SPRYD4: variants seen among roughly 807,000 people sequenced by gnomAD.
The protein encoded by SPRYD4 is SPRY domain containing 4.
Under a neutral mutation model 16.6 loss-of-function variants are expected in SPRYD4, and 12 were observed. The observed-to-expected ratio is 0.72, with a 90% CI of 0.46 to 1.17. SPRYD4 has a LOEUF of 1.17. Among genes scored for constraint, SPRYD4 ranks in the 50% most tolerant of loss-of-function variants. The pLI is 0.00. For synonymous variants in SPRYD4, 98 were observed against 105.4 expected (o/e 0.93, Z 0.43); for missense variants, 260 against 260.2 (o/e 1.00, Z 0.00).
chr12:56,479,520 TTATC>T lies in SPRYD4; in HGVS notation c.*9946_*9949del. On this transcript the variant is annotated 3_prime_UTR_variant, in exon 2 of 2. Coordinates refer to ENST00000338146, the MANE Select transcript of SPRYD4 (RefSeq NM_207344.4). Reference sequence around the variant, plus strand: ...TGTATGTATGTCAGTACATAGGACATTATCTAGAAGATACCCACTAATCTGCTAA... The same window carrying T: ...TGTATGTATGTCAGTACATAGGACATTAGAAGATACCCACTAATCTGCTAA... The T allele has an allele frequency of 2.4e-6, 1 of 419,000 alleles. No individual in the cohort carries two copies. Among genetic ancestry groups the T allele is most frequent in the Non-Finnish European group, 4.2e-6 (1 of 240,656 alleles). 26.0% of individuals were successfully genotyped at this position (419,000 alleles called of 1,614,324 possible).
Position 56,475,102 on chromosome 12 carries a change from G to A in SPRYD4, c.*5525G>A. The A allele has an allele frequency of 1.2e-6, 2 of 1,614,044 alleles. No homozygotes were observed. The highest frequency in any genetic ancestry group is 8.5e-7 in the Non-Finnish European group (1 of 1,180,032). ...ATTCCGATCCCCTGTTTCCTTCTCT[G>A]ACTGGAATCTGAAGCAAACACCCAA... On this transcript the variant is annotated 3_prime_UTR_variant, in exon 2 of 2. Transcript: ENST00000338146.
Position 56,473,340 on chromosome 12 carries a change from A to G in SPRYD4, c.*3763A>G. 6.2e-7 allele frequency: 1 copy of G among 1,613,566 alleles called. No individual in the cohort carries two copies. Among genetic ancestry groups the G allele is most frequent in the Non-Finnish European group, 8.5e-7 (1 of 1,179,660 alleles). ...CAACTTCTAGAATTGTAAGCCAAAT[A>G]TATTGTTTATTTACTCCTTACACTT... On this transcript the variant is annotated 3_prime_UTR_variant, in exon 2 of 2. Transcript: ENST00000338146.
In SPRYD4 at chr12:56,474,781, TAGGGAA is replaced by T; in HGVS notation, c.*5209_*5214del. Reference sequence around the variant, plus strand: ...AACCTGCACATGGGACCCTCGGGTGTAGGGAAAGGGCAAGGGCAAGGACAGTCTGTC... The same window carrying T: ...AACCTGCACATGGGACCCTCGGGTGTAGGGCAAGGGCAAGGACAGTCTGTC... On this transcript the variant is annotated 3_prime_UTR_variant, in exon 2 of 2. Coordinates refer to ENST00000338146, the MANE Select transcript of SPRYD4 (RefSeq NM_207344.4). The T allele has an allele frequency of 6.2e-7, 1 of 1,612,588 alleles. No homozygotes were observed. The highest frequency in any genetic ancestry group is 8.5e-7 in the Non-Finnish European group (1 of 1,178,914).
chr12:56,476,267 A>T lies in SPRYD4; in HGVS notation c.*6690A>T. 1 of 375,366 alleles carries T rather than the reference A, an allele frequency of 2.7e-6. No individual in the cohort carries two copies. Among genetic ancestry groups the T allele is most frequent in the South Asian group, 2.9e-5 (1 of 34,018 alleles). The allele number at this position is 375,366 out of a possible 1,614,324, so 23.3% of individuals were successfully genotyped here. On this transcript the variant is annotated 3_prime_UTR_variant, in exon 2 of 2. Transcript: ENST00000338146. Reference sequence around the variant, plus strand: ...AGCTTTGACCTCCCAGGCTCAAGCGATCCTCCCACTTCAGCCTCCAAGTAG... The same window carrying T: ...AGCTTTGACCTCCCAGGCTCAAGCGTTCCTCCCACTTCAGCCTCCAAGTAG...
At position 56,478,548 on chromosome 12, in the gene SPRYD4, C is replaced by T. The variant is rs1032478082; in HGVS notation, c.*8971C>T. ...CTTTTGGTTCTTAGGCTCAGTTACC[C>T]TATAAATCCCTTTGAAGGCTCTATT... is the stretch of plus-strand genomic sequence containing the variant. On this transcript the variant is annotated 3_prime_UTR_variant, in exon 2 of 2. Transcript: ENST00000338146. The T allele has an allele frequency of 7.2e-6, 3 of 414,930 alleles. No homozygotes were observed. Among genetic ancestry groups the T allele is most frequent in the Non-Finnish European group, 1.3e-5 (3 of 225,866 alleles). The allele number at this position is 414,930 out of a possible 1,614,324, so 25.7% of individuals were successfully genotyped here. A position where few individuals can be genotyped will look rare whatever the true frequency, so the allele number is the denominator to read the frequency against.
Position 56,474,444 on chromosome 12 carries a change from A to C in SPRYD4, c.*4867A>C. On this transcript the variant is annotated 3_prime_UTR_variant, in exon 2 of 2. Transcript: ENST00000338146. ...TTGCCTTCCTGGAAGTTAGTGAATG[A>C]GAGGCAGGAACAAGCTTCCACCTCT... 1 of 1,448,486 alleles carries C rather than the reference A, an allele frequency of 6.9e-7. No individual in the cohort carries two copies. Among genetic ancestry groups the C allele is most frequent in the Admixed American group, 2.0e-5 (1 of 50,664 alleles). The allele number at this position is 1,448,486 out of a possible 1,614,324, so 89.7% of individuals were successfully genotyped here. A position where few individuals can be genotyped will look rare whatever the true frequency, so the allele number is the denominator to read the frequency against.
rs771193153 is a variant in SPRYD4 at position 56,472,803 on chromosome 12, C to T, written c.*3226C>T. On this transcript the variant is annotated 3_prime_UTR_variant, in exon 2 of 2. Transcript: ENST00000338146. ...CATTAATTGAACTCACCTATGCCAG[C>T]TGTGCCCTGTGACCCTCCTCCATGG... The T allele has an allele frequency of 3.3e-6, 5 of 1,518,910 alleles. No individual in the cohort carries two copies. The Admixed American group carries it at 6.7e-5, about 20-fold the overall frequency. 94.1% of individuals were successfully genotyped at this position (1,518,910 alleles called of 1,614,324 possible). A position where few individuals can be genotyped will look rare whatever the true frequency, so the allele number is the denominator to read the frequency against.
Position 56,474,168 on chromosome 12 carries a change from G to A in SPRYD4, c.*4591G>A. On this transcript the variant is annotated 3_prime_UTR_variant, in exon 2 of 2. Coordinates refer to ENST00000338146, the MANE Select transcript of SPRYD4 (RefSeq NM_207344.4). ...AGTGCAATGGCACAATCTCGGCTCA[G>A]TGCAACCTCTGCCTCCCAGGTTCAA... 1 of 258,272 alleles carries A rather than the reference G, an allele frequency of 3.9e-6. No homozygotes were observed. The highest frequency in any genetic ancestry group is 7.5e-6 in the Non-Finnish European group (1 of 132,870). The allele number at this position is 258,272 out of a possible 1,614,324, so 16.0% of individuals were successfully genotyped here. A position where few individuals can be genotyped will look rare whatever the true frequency, so the allele number is the denominator to read the frequency against.
rs1178706987 is a variant in SPRYD4 at position 56,474,885 on chromosome 12, C to A, written c.*5308C>A. On this transcript the variant is annotated 3_prime_UTR_variant, in exon 2 of 2. Coordinates refer to ENST00000338146, the MANE Select transcript of SPRYD4 (RefSeq NM_207344.4). ...CAAGGGCAGCCATCATGTCCACCCC[C>A]TTAGGAAAGCACTGCAAGGAAGAGA... 1.4e-5 allele frequency: 23 copies of A among 1,614,030 alleles called. No individual in the cohort carries two copies. The highest frequency in any genetic ancestry group is 2.7e-5 in the African/African-American group (2 of 74,918).
chr12:56,469,450 A>T lies in SPRYD4; in HGVS notation c.497A>T (p.Asp166Val). ...EYEAQKLSLV[D>V]VSQVSVVHTL... Reference sequence around the variant, plus strand: ...GAGGCCCAGAAGCTGAGCCTGGTGGATGTGAGCCAGGTCTCTGTGGTTCAC... The same window carrying T: ...GAGGCCCAGAAGCTGAGCCTGGTGGTTGTGAGCCAGGTCTCTGTGGTTCAC... Residue 166 changes from aspartate (D) to valine (V), a missense_variant, in exon 2 of 2, where the codon GAT becomes GTT. Asp to Val is a radical substitution (Grantham distance 152). Transcript: ENST00000338146. 6.2e-7 allele frequency: 1 copy of T among 1,613,966 alleles called. No homozygotes were observed. Among genetic ancestry groups the T allele is most frequent in the Non-Finnish European group, 8.5e-7 (1 of 1,179,980 alleles).
Position 56,479,143 on chromosome 12 carries a change from A to T in SPRYD4, c.*9566A>T. On this transcript the variant is annotated 3_prime_UTR_variant, in exon 2 of 2. Coordinates refer to ENST00000338146, the MANE Select transcript of SPRYD4 (RefSeq NM_207344.4). The stretch of plus-strand genomic sequence containing the variant: ...ATCAGGAATGACAAACTTCTTTCGG[A>T]ATGCCTGGGTCAGGAGCACAATGTT... The T allele has an allele frequency of 6.2e-7, 1 of 1,614,034 alleles. No homozygotes were observed. Among genetic ancestry groups the T allele is most frequent in the Non-Finnish European group, 8.5e-7 (1 of 1,180,022 alleles).
rs569667879 is a variant in SPRYD4, at chr12:56,478,721, G to A, written c.*9144G>A. Reference sequence around the variant, plus strand: ...TGAGAAGCGAGGTATATCTAGGTGTGGTGGCTCATGCCTGTAATCCCAGCA... The same window carrying A: ...TGAGAAGCGAGGTATATCTAGGTGTAGTGGCTCATGCCTGTAATCCCAGCA... On this transcript the variant is annotated 3_prime_UTR_variant, in exon 2 of 2. Transcript: ENST00000338146. 78 of 275,858 alleles carry A rather than the reference G, an allele frequency of 2.8e-4. 3 individuals carry two copies. The highest frequency in any genetic ancestry group is 1.9e-3 in the South Asian group (40 of 20,892). The allele number at this position is 275,858 out of a possible 1,614,324, so 17.1% of individuals were successfully genotyped here.
At position 56,469,750 on chromosome 12, in the gene SPRYD4, A is replaced by G. The variant is rs1869158303; in HGVS notation, c.*173A>G. The stretch of plus-strand genomic sequence containing the variant: ...CCCCTACCTTGTGAAAGCTAGGCAT[A>G]CAGCCAAACCCTCCTTTTCCCCACC... On this transcript the variant is annotated 3_prime_UTR_variant, in exon 2 of 2. Transcript: ENST00000338146. The G allele has an allele frequency of 1.5e-6, 1 of 677,640 alleles. No homozygotes were observed. The highest frequency in any genetic ancestry group is 2.8e-5 in the East Asian group (1 of 35,964). The allele number at this position is 677,640 out of a possible 1,614,324, so 42.0% of individuals were successfully genotyped here. A position where few individuals can be genotyped will look rare whatever the true frequency, so the allele number is the denominator to read the frequency against.
chr12:56,471,380 G>T lies in SPRYD4; in HGVS notation c.*1803G>T. On this transcript the variant is annotated 3_prime_UTR_variant, in exon 2 of 2. Transcript: ENST00000338146. The stretch of plus-strand genomic sequence containing the variant: ...GCCTAAGTCACCAAATGACTGCTTG[G>T]TCCCCACTGAAGCAGTGTAGCTCTC... The T allele has an allele frequency of 1.7e-6, 2 of 1,203,976 alleles. No homozygotes were observed. Among genetic ancestry groups the T allele is most frequent in the Non-Finnish European group, 2.3e-6 (2 of 876,084 alleles). 74.6% of individuals were successfully genotyped at this position (1,203,976 alleles called of 1,614,324 possible).
chr12:56,472,894 T>A lies in SPRYD4; in HGVS notation c.*3317T>A. On this transcript the variant is annotated 3_prime_UTR_variant, in exon 2 of 2. Transcript: ENST00000338146. The stretch of plus-strand genomic sequence containing the variant: ...GCTACTCTGAAATATTCTTTTTTTT[T>A]TTTTTTTTTTTGAGACGGAGTCTCG... The A allele has an allele frequency of 1.4e-6, 1 of 730,574 alleles. No individual in the cohort carries two copies. Among genetic ancestry groups the A allele is most frequent in the Non-Finnish European group, 2.2e-6 (1 of 447,978 alleles). The allele number at this position is 730,574 out of a possible 1,614,324, so 45.3% of individuals were successfully genotyped here.
In SPRYD4 at chr12:56,478,888, A is replaced by C. The variant is rs1870055484; in HGVS notation, c.*9311A>C. 6.2e-6 allele frequency: 5 copies of C among 802,954 alleles called. No homozygotes were observed. In the Admixed American group the frequency reaches 1.4e-4, roughly 22 times the overall value. 49.7% of individuals were successfully genotyped at this position (802,954 alleles called of 1,614,324 possible). The stretch of plus-strand genomic sequence containing the variant: ...TATGCCAGCTACTCGGGAGGCTGAG[A>C]CAGGAGAATCGCTTGAACCTGGGAG... On this transcript the variant is annotated 3_prime_UTR_variant, in exon 2 of 2. Transcript: ENST00000338146.
Position 56,471,058 on chromosome 12 carries a change from C to T in SPRYD4, c.*1481C>T, listed in dbSNP as rs1011247272. On this transcript the variant is annotated 3_prime_UTR_variant, in exon 2 of 2. Coordinates refer to ENST00000338146, the MANE Select transcript of SPRYD4 (RefSeq NM_207344.4). ...TCCTGGCCAAGGGGAGTAGATTTCT[C>T]CAGACTACTAAAGCCATGTATATAG... 3.4e-6 allele frequency: 1 copy of T among 293,880 alleles called. No homozygotes were observed. The highest frequency in any genetic ancestry group is 5.7e-5 in the East Asian group (1 of 17,684). The allele number at this position is 293,880 out of a possible 1,614,324, so 18.2% of individuals were successfully genotyped here.
rs774690327 is a variant in SPRYD4 at position 56,472,242 on chromosome 12, A to T, written c.*2665A>T. ...CTAGAGTTGCCTAGATCAGACTGGAATCACAGGTGTTCTTTGTGAACTGGT... is the reference window on the plus strand; with the variant it reads ...CTAGAGTTGCCTAGATCAGACTGGATTCACAGGTGTTCTTTGTGAACTGGT... On this transcript the variant is annotated 3_prime_UTR_variant, in exon 2 of 2. Transcript: ENST00000338146. 1 of 1,550,924 alleles carries T rather than the reference A, an allele frequency of 6.4e-7. No individual in the cohort carries two copies. The highest frequency in any genetic ancestry group is 8.9e-7 in the Non-Finnish European group (1 of 1,123,064).
At position 56,470,783 on chromosome 12, in the gene SPRYD4, A is replaced by T. The variant is rs1437387702; in HGVS notation, c.*1206A>T. The T allele has an allele frequency of 1.3e-5, 2 of 152,130 alleles. No individual in the cohort carries two copies. The highest frequency in any genetic ancestry group is 6.6e-5 in the Admixed American group (1 of 15,232). The allele number at this position is 152,130 out of a possible 1,614,324, so 9.4% of individuals were successfully genotyped here. A position where few individuals can be genotyped will look rare whatever the true frequency, so the allele number is the denominator to read the frequency against. On this transcript the variant is annotated 3_prime_UTR_variant, in exon 2 of 2. Transcript: ENST00000338146. Reference sequence around the variant, plus strand: ...CAGCAGAATACACTTAACCTAAAGCAGTATTTGGAGTTGAGAAAAACCTGG... The same window carrying T: ...CAGCAGAATACACTTAACCTAAAGCTGTATTTGGAGTTGAGAAAAACCTGG...
Sources: gnomAD v4.1 joint callset for allele counts on GRCh38, gnomAD v4.1.1 for gene constraint, MANE v1.5 for transcripts, NCBI Gene and HGNC (gene_info 2026-07-23, HGNC 2026-07-21) for gene names.